The following ORC2 variants were observed in gnomAD, a reference collection of about 807,000 sequenced individuals.
ORC2 encodes the protein origin recognition complex protein 2 homolog.
ORC2 carries 37 observed loss-of-function variants against 77.7 expected under a neutral mutation model. The observed-to-expected ratio is 0.48, with a 90% confidence interval of 0.37 to 0.63. The LOEUF is 0.63. ORC2 is among the 20% of genes least tolerant of loss of function. ORC2 has a pLI of 0.00. For synonymous variants in ORC2, 201 were observed against 229.5 expected (o/e 0.88, Z 1.12); for missense variants, 557 against 661.9 (o/e 0.84, Z 1.74).
intron 4 of ORC2, among the ~76,000 whole-genome samples, chr2:200,950,328 C>CA (rs111829463): frequency 8.0e-4 from 117 of 145,572 alleles, no homozygotes; most frequent in East Asian, 2.2e-3. Flanking sequence ...GATAAAGTAT[C>CA]AAAAAAAAAA....
intron 11 of ORC2, among the ~76,000 whole-genome samples, chr2:200,927,113 A>G (rs1041601194): frequency 1.3e-5 from 2 of 151,566 alleles, no homozygotes; most frequent in African/African-American, 2.4e-5. Context: ...TTTGAGACAG[A>G]GTCACTCTGT....
At chr2:200,917,458 A>G (rs907107925) in intron 15 of ORC2, among the ~76,000 whole-genome samples, 1 of 152,118 alleles carries the variant, frequency 6.6e-6, no homozygotes, top group African/African-American at 2.4e-5. Context: ...GGCCGAGTTG[A>G]ATGCTAATCT....
chr2:200,952,877 T>C (rs1355084816), intron 4 of ORC2, among the ~76,000 whole-genome samples: 3 of 151,264 alleles, frequency 2.0e-5, no homozygotes, highest in Non-Finnish European at 1.5e-5. Context: ...TTGGATAGGC[T>C]GAGGCTGGCA....
intron 1 of ORC2, among the ~76,000 whole-genome samples, chr2:200,959,793 A>G (rs1575189815): frequency 6.6e-6 from 1 of 152,134 alleles, no homozygotes; most frequent in East Asian, 1.9e-4. Context: ...GGCTGGGTGC[A>G]GTGGCTCATG....
At chr2:200,940,783 C>T (rs191868242) in intron 7 of ORC2, among the ~76,000 whole-genome samples, 30 of 152,004 alleles carry the variant, frequency 2.0e-4, no homozygotes, top group Non-Finnish European at 3.4e-4. Flanking sequence ...GCCTGGGCGA[C>T]AGAGTAAGAC....
At chr2:200,942,390 TC>T in intron 6 of ORC2, among the ~76,000 whole-genome samples, 1 of 152,124 alleles carries the variant, frequency 6.6e-6, no homozygotes, top group Non-Finnish European at 1.5e-5. Context: ...CAAAGCCAAA[TC>T]TTCTATAAAT....
intron 6 of ORC2, among the ~76,000 whole-genome samples, chr2:200,942,001 C>CAAA (rs1227985323): frequency 7.3e-6 from 1 of 136,990 alleles, no homozygotes; most frequent in African/African-American, 2.7e-5. Context: ...GACTCCTTCT[C>CAAA]AAAAAAAAAG....
intron 5 of ORC2, among the ~76,000 whole-genome samples, chr2:200,945,896 T>C (rs1177763428): frequency 6.6e-6 from 1 of 152,176 alleles, no homozygotes; most frequent in Non-Finnish European, 1.5e-5. Flanking sequence ...GACATACTCA[T>C]TTCATACCCT....
At chr2:200,937,997 T>C (rs1301997454) in intron 7 of ORC2, 31 bp from the exon 8 acceptor site, 2 of 1,478,154 alleles carry the variant, frequency 1.4e-6, no homozygotes, top group Non-Finnish European at 1.9e-6. Flanking sequence ...CATTAAATAA[T>C]AACATGGAAA....
intron 4 of ORC2, among the ~76,000 whole-genome samples, chr2:200,952,559 C>T (rs1239670685): frequency 1.3e-5 from 2 of 151,986 alleles, no homozygotes; most frequent in African/African-American, 4.8e-5. Context: ...CCGCGCCCGG[C>T]CTATATAATT....
intron 5 of ORC2, among the ~76,000 whole-genome samples, chr2:200,947,131 A>G (rs2041264941): frequency 6.6e-6 from 1 of 151,964 alleles, no homozygotes; most frequent in Non-Finnish European, 1.5e-5. Flanking sequence ...TGAACTCCTG[A>G]CCTCAAGTGA....
Position 200,911,331 on chromosome 2 carries a change from ATCAG to A in ORC2, c.1700_1703del (p.Thr567IlefsTer17). The stretch of plus-strand genomic sequence containing the variant: ...CCTCCTCTTCTTCCTTTTCCAAGAA[ATCAG>A]TCAATGTTCCATTATCAACAGGAAT... On this transcript the variant is annotated frameshift_variant, in exon 18 of 18. Coordinates refer to ENST00000234296, the MANE Select transcript of ORC2 (RefSeq NM_006190.5). LOFTEE classifies it high-confidence loss of function. The A allele has an allele frequency of 1.2e-6, 2 of 1,609,544 alleles. No homozygotes were observed. The highest frequency in any genetic ancestry group is 1.7e-6 in the Non-Finnish European group (2 of 1,175,842).
In ORC2 at chr2:200,913,361, A is replaced by G. The variant is rs1575147050; in HGVS notation, c.1581T>C (p.Asn527=). 1.9e-6 allele frequency: 3 copies of G among 1,600,904 alleles called. No homozygotes were observed. The highest frequency in any genetic ancestry group is 2.3e-5 in the East Asian group (1 of 43,304). ...ACTGGGCCCGGAGTGTCAGATCACT[A>G]TTGACGAGGAATGCCTCCCGACACT... ...YQQCREAFLV[N]SDLTLRAQLT... Residue 527 remains asparagine, a synonymous_variant, in exon 17 of 18, where the codon AAT becomes AAC. Transcript: ENST00000234296.
chr2:200,949,796 A>G (rs2041318701), intron 4 of ORC2, among the ~76,000 whole-genome samples, 153 bp from the exon 5 acceptor site: 1 of 152,134 alleles, frequency 6.6e-6, no homozygotes, highest in Non-Finnish European at 1.5e-5. Context: ...TACATAGTAA[A>G]GAAAACAGGC....
intron 7 of ORC2, 100 bp downstream of exon 7, chr2:200,941,148 T>A: frequency 1.1e-6 from 1 of 906,132 alleles, no homozygotes; most frequent in East Asian, 2.6e-5. Context: ...CAAAGCACTA[T>A]ATAAATTAAG....
chr2:200,921,114 G>T lies in ORC2; in HGVS notation c.1173C>A (p.Leu391=), dbSNP rs2307362. ...KEDSSLELFL[L]IHNLDSQMLR... ...ACATCTGGCTATCCAAATTGTGGATGAGAAGGAAGAGTTCTAAAGAAGAAT... is the reference window on the plus strand; with the variant it reads ...ACATCTGGCTATCCAAATTGTGGATTAGAAGGAAGAGTTCTAAAGAAGAAT... Residue 391 remains leucine (L), a synonymous_variant, in exon 14 of 18, where the codon CTC becomes CTA. Transcript: ENST00000234296. 2.5e-6 allele frequency: 4 copies of T among 1,597,120 alleles called. No individual in the cohort carries two copies. The Admixed American group carries it at 6.9e-5, about 27-fold the overall frequency.
At chr2:200,938,050 A>G (rs2041079785) in intron 7 of ORC2, 84 bp from the exon 8 acceptor site, 2 of 948,750 alleles carry the variant, frequency 2.1e-6, no homozygotes, top group South Asian at 1.5e-5. Flanking sequence ...AAAAAGAAAA[A>G]TATTTTGCTT....
chr2:200,917,771 T>A (rs1419030373), intron 15 of ORC2, among the ~76,000 whole-genome samples: 2 of 152,140 alleles, frequency 1.3e-5, no homozygotes, highest in African/African-American at 4.8e-5. Context: ...GGAGGGTACA[T>A]GAGACTTCCC....
chr2:200,960,825 G>A (rs373385880), intron 1 of ORC2, among the ~76,000 whole-genome samples: 2 of 152,094 alleles, frequency 1.3e-5, no homozygotes, highest in East Asian at 3.9e-4. Flanking sequence ...GTCCCAGGCT[G>A]GAGTGCAGAG....
Sources: allele counts gnomAD v4.1 joint callset (sites outside exome capture counted in the v4.1 genomes callset), GRCh38; gene constraint gnomAD v4.1.1; transcripts MANE v1.5; gene names NCBI Gene and HGNC (gene_info 2026-07-23, HGNC 2026-07-21).